RANBP2: variants seen among roughly 807,000 people sequenced by gnomAD.
The protein encoded by RANBP2 is RAN binding protein 2, also known as E3 SUMO-protein ligase RanBP2.
In RANBP2, 57 loss-of-function variants were observed where a neutral mutation model predicts 303.6. That is an observed-to-expected ratio of 0.19 (90% CI 0.15 to 0.23). The LOEUF (loss-of-function observed/expected upper bound fraction) is 0.23, where lower values mean the gene tolerates loss of function less well. RANBP2 is among the 10% of genes least tolerant of loss of function. RANBP2 has a pLI of 1.00. For missense variants in RANBP2, 3,138 were observed against 3,780.8 expected (o/e 0.83, Z 4.46); for synonymous variants, 1,167 against 1,301.5 (o/e 0.90, Z 2.23).
chr2:109,652,827 G>C, the RANBP2 span, among the ~76,000 whole-genome samples: 3 of 152,228 alleles, frequency 2.0e-5, no homozygotes, highest in South Asian at 2.1e-4. Flanking sequence ...GAGATGTTTC[G>C]CGTTCTAGAG....
chr2:108,758,555 T>G lies in RANBP2; in HGVS notation c.2602+7T>G, dbSNP rs752640669. ...CATGGGGCTCCACTAACAGGTGAGC[T>G]GGCAAGTGGATAATCGCATATTTTA... On this transcript the variant is annotated splice_region_variant and intron_variant, in intron 18 of 28. Coordinates refer to ENST00000283195, the MANE Select transcript of RANBP2 (RefSeq NM_006267.5). The G allele has an allele frequency of 6.2e-7, 1 of 1,611,166 alleles. No homozygotes were observed. Among genetic ancestry groups the G allele is most frequent in the East Asian group, 2.2e-5 (1 of 44,862 alleles).
the RANBP2 span, among the ~76,000 whole-genome samples, chr2:109,444,811 T>A: frequency 6.6e-6 from 1 of 151,896 alleles, no homozygotes; most frequent in South Asian, 2.1e-4. Flanking sequence ...AAAGGGAAAC[T>A]CACACATAAG....
At chr2:109,299,192 G>A in the RANBP2 span, among the ~76,000 whole-genome samples, 71 of 152,340 alleles carry the variant, frequency 4.7e-4, 1 homozygote, top group East Asian at 0.012. Flanking sequence ...GACCACTCCA[G>A]TTAAAACTGC....
At chr2:108,973,740 G>T in the RANBP2 span, among the ~76,000 whole-genome samples, 7 of 152,290 alleles carry the variant, frequency 4.6e-5, no homozygotes, top group East Asian at 7.7e-4. Context: ...AAATTTTTTG[G>T]CTGGAGCCAC....
At chr2:108,791,748 T>G in the RANBP2 span, 5 of 1,606,212 alleles carry the variant, frequency 3.1e-6, no homozygotes, top group Non-Finnish European at 4.3e-6. Flanking sequence ...TGAAAATGAT[T>G]ATAGAGTTAG....
At chr2:108,948,834 T>C in the RANBP2 span, among the ~76,000 whole-genome samples, 15 of 151,964 alleles carry the variant, frequency 9.9e-5, no homozygotes, top group East Asian at 2.9e-3. Context: ...AAAAGTAGAG[T>C]TGGCCAGGCA....
the RANBP2 span, among the ~76,000 whole-genome samples, chr2:109,244,912 A>G: frequency 6.6e-6 from 1 of 152,178 alleles, no homozygotes; most frequent in Non-Finnish European, 1.5e-5. Flanking sequence ...TAGAAGCAAG[A>G]CAAAGTTGGC....
At chr2:108,944,506 C>T in the RANBP2 span, among the ~76,000 whole-genome samples, 3 of 152,244 alleles carry the variant, frequency 2.0e-5, no homozygotes. Flanking sequence ...CCTCTAACCT[C>T]ATGGGGCTGT....
chr2:109,413,782 A>G, the RANBP2 span, among the ~76,000 whole-genome samples: 1 of 152,220 alleles, frequency 6.6e-6, no homozygotes, highest in Non-Finnish European at 1.5e-5. Flanking sequence ...CTATGGCAGA[A>G]TGGGACAGAA....
chr2:108,960,259 G>T, the RANBP2 span, among the ~76,000 whole-genome samples: 1 of 152,172 alleles, frequency 6.6e-6, no homozygotes, highest in Non-Finnish European at 1.5e-5. Context: ...GATCCCCCAA[G>T]GTTTTAACTC....
the RANBP2 span, among the ~76,000 whole-genome samples, chr2:108,950,698 C>A: frequency 6.6e-6 from 1 of 152,212 alleles, no homozygotes; most frequent in Non-Finnish European, 1.5e-5. Context: ...ACATCCCTGC[C>A]CTTGCTCCCT....
At chr2:108,964,367 G>C in the RANBP2 span, among the ~76,000 whole-genome samples, 1 of 152,098 alleles carries the variant, frequency 6.6e-6, no homozygotes, top group Non-Finnish European at 1.5e-5. Context: ...ATGATGCCAC[G>C]GCTCCAAAGC....
At chr2:109,352,074 A>G in the RANBP2 span, among the ~76,000 whole-genome samples, 1 of 152,162 alleles carries the variant, frequency 6.6e-6, no homozygotes, top group Non-Finnish European at 1.5e-5. Context: ...ATGCATGGTG[A>G]CTCGAACATT....
the RANBP2 span, among the ~76,000 whole-genome samples, chr2:109,619,758 C>G: frequency 6.6e-6 from 1 of 152,046 alleles, no homozygotes; most frequent in African/African-American, 2.4e-5. Flanking sequence ...TGAAATTTTC[C>G]TAGTAAAAAT....
the RANBP2 span, among the ~76,000 whole-genome samples, chr2:109,296,399 TTG>T: frequency 6.6e-5 from 10 of 151,684 alleles, no homozygotes; most frequent in Admixed American, 2.6e-4. Flanking sequence ...AGTTTTTTTT[TTG>T]TGTGTGTGTT....
chr2:108,919,363 ATTTAT>A, the RANBP2 span, among the ~76,000 whole-genome samples: 2 of 151,914 alleles, frequency 1.3e-5, no homozygotes, highest in Admixed American at 6.6e-5. Context: ...CTTTTTATTT[ATTTAT>A]TTATTTAGAG....
At chr2:109,583,442 C>T in the RANBP2 span, among the ~76,000 whole-genome samples, 2 of 152,110 alleles carry the variant, frequency 1.3e-5, no homozygotes, top group Non-Finnish European at 2.9e-5. Flanking sequence ...AATGAGATAC[C>T]ATCTCACAAC....
At chr2:109,197,827 A>G in the RANBP2 span, among the ~76,000 whole-genome samples, 1 of 152,214 alleles carries the variant, frequency 6.6e-6, no homozygotes, top group African/African-American at 2.4e-5. Context: ...TGGGTTGGGG[A>G]GGAACTCCAG....
At chr2:108,905,466 C>T in the RANBP2 span, among the ~76,000 whole-genome samples, 1 of 135,542 alleles carries the variant, frequency 7.4e-6, no homozygotes, top group Non-Finnish European at 1.5e-5. Context: ...TATTTCTGGC[C>T]AACAAAGCAC....
Sources: allele counts gnomAD v4.1 joint callset (sites outside exome capture counted in the v4.1 genomes callset), GRCh38; gene constraint gnomAD v4.1.1; transcripts MANE v1.5; gene names NCBI Gene and HGNC (gene_info 2026-07-23, HGNC 2026-07-21).